DDX10: variants seen among roughly 807,000 people sequenced by gnomAD.
DDX10 encodes DEAD-box helicase 10, also known as probable ATP-dependent RNA helicase DDX10.
A neutral mutation model predicts 104.3 loss-of-function variants in DDX10; 74 were observed. That is an observed-to-expected ratio of 0.71 (90% confidence interval 0.59 to 0.86). The LOEUF is 0.86. Among genes scored for constraint, DDX10 ranks in the 40% least tolerant of loss-of-function variants. The probability of loss-of-function intolerance (pLI) is 0.00; values close to 1 mark genes in which losing one functional copy is unlikely to be tolerated. For missense variants in DDX10, 952 were observed against 1,040.0 expected (o/e 0.92, Z 1.16); for synonymous variants, 351 against 353.4 (o/e 0.99, Z 0.08).
At chr11:108,744,535 A>G (rs2094329086) in intron 13 of DDX10, among the ~76,000 whole-genome samples, 1 of 152,220 alleles carries the variant, frequency 6.6e-6, no homozygotes, top group Admixed American at 6.5e-5. Context: ...GCCTTTATGC[A>G]GAGTGGGTTA....
At position 108,678,897 on chromosome 11, in the gene DDX10, A is replaced by G. The variant is rs1007106267; in HGVS notation, c.658+462A>G. On this transcript the variant is annotated intron_variant, in intron 5 of 17. Coordinates refer to ENST00000322536, the MANE Select transcript of DDX10 (RefSeq NM_004398.4). ...TTTTTTTTTTTTTTTTTTTTTTTTT[A>G]TACAGAGTTTCGCTCTGTTGCTAGG... Among the ~76,000 whole-genome samples, 4 of 16,230 alleles carry G rather than the reference A, an allele frequency of 2.5e-4. 1 individual carries two copies. The highest frequency in any genetic ancestry group is 3.8e-4 in the African/African-American group (2 of 5,302). 10.6% of individuals were successfully genotyped at this position (16,230 alleles called of 152,430 possible).
chr11:108,712,004 G>A (rs1459155023), intron 10 of DDX10, among the ~76,000 whole-genome samples: 13 of 152,284 alleles, frequency 8.5e-5, no homozygotes, highest in Middle Eastern at 3.4e-3. Flanking sequence ...GAGCCTATAC[G>A]TTAAGGATTG....
At chr11:108,807,362 G>T (rs777216173) in intron 13 of DDX10, among the ~76,000 whole-genome samples, 50 of 152,162 alleles carry the variant, frequency 3.3e-4, no homozygotes, top group Non-Finnish European at 1.6e-4. Flanking sequence ...ATTTTAAACT[G>T]TGACTGGTAG....
At chr11:108,687,319 T>A (rs2094245763) in intron 6 of DDX10, among the ~76,000 whole-genome samples, 1 of 152,220 alleles carries the variant, frequency 6.6e-6, no homozygotes, top group South Asian at 2.1e-4. Flanking sequence ...TGTTTTTTAT[T>A]TTTTTGAGAC....
chr11:108,684,178 T>TTTC (rs1426092454), intron 6 of DDX10, among the ~76,000 whole-genome samples: 7 of 134,450 alleles, frequency 5.2e-5, no homozygotes, highest in African/African-American at 1.8e-4. Context: ...TAGATTTTCT[T>TTTC]TTTTTTTTTT....
chr11:108,775,797 T>G (rs2094369084), intron 13 of DDX10, among the ~76,000 whole-genome samples: 2 of 152,232 alleles, frequency 1.3e-5, no homozygotes, highest in Non-Finnish European at 2.9e-5. Context: ...CCACATATTT[T>G]AAGCAAGACC....
intron 15 of DDX10, among the ~76,000 whole-genome samples, chr11:108,843,860 T>C (rs1486098267): frequency 6.6e-6 from 1 of 152,244 alleles, no homozygotes; most frequent in Non-Finnish European, 1.5e-5. Flanking sequence ...TTTAAACATG[T>C]CCTTTCACTT....
chr11:108,682,975 T>G (rs1179347278), intron 6 of DDX10, among the ~76,000 whole-genome samples: 1 of 152,146 alleles, frequency 6.6e-6, no homozygotes, highest in Non-Finnish European at 1.5e-5. Context: ...TGAAGGTAAT[T>G]TTTTCTTTAT....
chr11:108,837,709 A>G (rs1057337005), intron 13 of DDX10, among the ~76,000 whole-genome samples: 1 of 126,498 alleles, frequency 7.9e-6, no homozygotes, highest in African/African-American at 3.0e-5. Context: ...TGCAGCCTCC[A>G]CCTCCTGGGT....
intron 13 of DDX10, among the ~76,000 whole-genome samples, chr11:108,814,162 T>A (rs1420693608): frequency 6.6e-6 from 1 of 152,170 alleles, no homozygotes; most frequent in African/African-American, 2.4e-5. Context: ...TCCAGAAAGG[T>A]TACATTTCTC....
In DDX10 at chr11:108,919,197, G is replaced by A. The variant is rs189864008; in HGVS notation, c.2450+1179G>A. On this transcript the variant is annotated intron_variant, in intron 17 of 17. Coordinates refer to ENST00000322536, the MANE Select transcript of DDX10 (RefSeq NM_004398.4). Reference sequence around the variant, plus strand: ...GTGATGCCAGAAACTTCCATTTGCTGTTGGACAACTAGGTGGTTGAACATA... The same window carrying A: ...GTGATGCCAGAAACTTCCATTTGCTATTGGACAACTAGGTGGTTGAACATA... 7 of 152,298 alleles carry A rather than the reference G, an allele frequency of 4.6e-5. No individual in the cohort carries two copies. The East Asian group carries it at 1.3e-3, about 29-fold the overall frequency. The allele number at this position is 152,298 out of a possible 1,614,324, so 9.4% of individuals were successfully genotyped here. A position where few individuals can be genotyped will look rare whatever the true frequency, so the allele number is the denominator to read the frequency against.
chr11:108,736,714 C>T (rs1239789707), intron 13 of DDX10, among the ~76,000 whole-genome samples: 1 of 152,160 alleles, frequency 6.6e-6, no homozygotes. Context: ...CCTCTGCCTT[C>T]TGCCATGTGA....
intron 12 of DDX10, among the ~76,000 whole-genome samples, chr11:108,721,349 G>C (rs2094298140): frequency 6.6e-6 from 1 of 152,130 alleles, no homozygotes; most frequent in Non-Finnish European, 1.5e-5. Flanking sequence ...TTAAATACCA[G>C]TTCCTAGTTT....
At chr11:108,677,400 G>C (rs1011254794) in intron 4 of DDX10, among the ~76,000 whole-genome samples, 157 bp downstream of exon 4, 30 of 152,026 alleles carry the variant, frequency 2.0e-4, no homozygotes, top group African/African-American at 6.8e-4. Flanking sequence ...TGCTATCTAC[G>C]ATCTGGTTGC....
intron 13 of DDX10, among the ~76,000 whole-genome samples, chr11:108,807,839 C>G (rs1862121252): frequency 6.6e-6 from 1 of 152,050 alleles, no homozygotes; most frequent in African/African-American, 2.4e-5. Context: ...GGAAATAGTA[C>G]CTTCTGAAAT....
rs138273122 is a variant in DDX10, at chr11:108,745,392, C to T, written c.1965+21930C>T. Among the ~76,000 whole-genome samples the T allele has an allele frequency of 6.7e-3, 1,019 of 151,708 alleles. 11 individuals carry two copies. Among genetic ancestry groups the T allele is most frequent in the African/African-American group, 0.023 (956 of 41,350 alleles). Reference sequence around the variant, plus strand: ...AGTAGCTGGGACTATAGGTGCTTGCCACCATGGTCAGCTAATTTTTGTATT... The same window carrying T: ...AGTAGCTGGGACTATAGGTGCTTGCTACCATGGTCAGCTAATTTTTGTATT... On this transcript the variant is annotated intron_variant, in intron 13 of 17. Transcript: ENST00000322536.
At chr11:108,841,663 G>A (rs959969388) in intron 15 of DDX10, among the ~76,000 whole-genome samples, 187 bp downstream of exon 15, 2 of 151,896 alleles carry the variant, frequency 1.3e-5, no homozygotes, top group Non-Finnish European at 2.9e-5. Flanking sequence ...ATATTGACTC[G>A]TTTCTGAGAA....
rs1292369794 is a variant in DDX10 at position 108,867,805 on chromosome 11, C to G, written c.2304+15596C>G. Among the ~76,000 whole-genome samples the G allele has an allele frequency of 3.3e-5, 5 of 152,218 alleles. No homozygotes were observed. In the East Asian group the frequency reaches 9.7e-4, roughly 29 times the overall value. Reference sequence around the variant, plus strand: ...GGAAAATTATTAACAAAACAGATATCATGACTTTAAAACACAGTGGCAGGG... The same window carrying G: ...GGAAAATTATTAACAAAACAGATATGATGACTTTAAAACACAGTGGCAGGG... On this transcript the variant is annotated intron_variant, in intron 16 of 17. Coordinates refer to ENST00000322536, the MANE Select transcript of DDX10 (RefSeq NM_004398.4).
At chr11:108,863,425 TTACCTA>T (rs1862965797) in intron 16 of DDX10, among the ~76,000 whole-genome samples, 1 of 152,228 alleles carries the variant, frequency 6.6e-6, no homozygotes, top group Non-Finnish European at 1.5e-5. Flanking sequence ...TTGTTTTATT[TTACCTA>T]TCTTGATTTT....
Sources: gnomAD v4.1 joint callset for allele counts (sites outside exome capture counted in the v4.1 genomes callset) on GRCh38, gnomAD v4.1.1 for gene constraint, MANE v1.5 for transcripts, NCBI Gene and HGNC (gene_info 2026-07-23, HGNC 2026-07-21) for gene names.